Variants in CT45A1 observed in about 807,000 individuals in gnomAD.
CT45A1 encodes the protein cancer/testis antigen 45-1.
upstream of CT45A1, among the ~76,000 whole-genome samples, chrX:135,713,163 G>A (rs1381043807): frequency 5.0e-5 from 5 of 100,422 alleles, no homozygotes; most frequent in African/African-American, 7.4e-5. Flanking sequence ...TCAACTTCCC[G>A]AGTAGTTGGG....
At chrX:135,718,309 T>C (rs1342285490) in intron 1 of CT45A1, among the ~76,000 whole-genome samples, 1 of 111,115 alleles carries the variant, frequency 9.0e-6, no homozygotes, top group Non-Finnish European at 1.9e-5. Flanking sequence ...TCACCCTTAG[T>C]TTGGAATTTT....
intron 1 of CT45A1, among the ~76,000 whole-genome samples, chrX:135,716,570 A>G (rs1356227053): frequency 9.0e-6 from 1 of 111,507 alleles, no homozygotes; most frequent in Non-Finnish European, 1.9e-5. Context: ...TTTATATATA[A>G]CCTATACTAT....
chrX:135,717,215 TGA>T (rs1367804035), intron 1 of CT45A1, among the ~76,000 whole-genome samples: 1 of 111,951 alleles, frequency 8.9e-6, no homozygotes, highest in African/African-American at 3.2e-5. Flanking sequence ...AGGATCATTC[TGA>T]GAGACTTGAC....
chrX:135,714,008 C>G (rs1396193074), intron 1 of CT45A1, among the ~76,000 whole-genome samples: 3 of 107,845 alleles, frequency 2.8e-5, no homozygotes, highest in Non-Finnish European at 5.8e-5. Flanking sequence ...GGGGGCCATG[C>G]CTTGGTTGCT....
upstream of CT45A1, among the ~76,000 whole-genome samples, chrX:135,712,640 G>C (rs2087941196): frequency 9.1e-6 from 1 of 110,180 alleles, no homozygotes; most frequent in Non-Finnish European, 1.9e-5. Flanking sequence ...TGATTCTCCT[G>C]CCTCAGCCTC....
upstream of CT45A1, among the ~76,000 whole-genome samples, chrX:135,712,506 G>A (rs1451834398): frequency 6.7e-5 from 7 of 104,529 alleles, no homozygotes; most frequent in South Asian, 3.0e-3. Flanking sequence ...TTAACAGATA[G>A]AGGTTGAATT....
chrX:135,714,139 C>T (rs1603081607), intron 1 of CT45A1, among the ~76,000 whole-genome samples: 1 of 108,860 alleles, frequency 9.2e-6, no homozygotes. Flanking sequence ...GTGTCCCAGA[C>T]GCATGATCGC....
chrX:135,715,449 A>ATATATATAATACTTATATATAATACT (rs1276673091), intron 1 of CT45A1, among the ~76,000 whole-genome samples: 3 of 81,199 alleles, frequency 3.7e-5, no homozygotes, highest in East Asian at 3.5e-4. Flanking sequence ...TATAATACTT[A>ATATATATAATACTTATATATAATACT]TATATATAAT....
intron 1 of CT45A1, among the ~76,000 whole-genome samples, chrX:135,715,359 A>T (rs2087973987): frequency 1.2e-3 from 41 of 34,553 alleles, no homozygotes; most frequent in African/African-American, 2.0e-3. Flanking sequence ...CTTACATATA[A>T]TACTTATATA....
At chrX:135,716,130 G>A (rs541438667) in intron 1 of CT45A1, among the ~76,000 whole-genome samples, 6 of 111,252 alleles carry the variant, frequency 5.4e-5, no homozygotes, top group East Asian at 2.8e-4. Flanking sequence ...GAATAGTGCC[G>A]TGATAAACAT....
upstream of CT45A1, among the ~76,000 whole-genome samples, chrX:135,712,937 T>TTTC (rs1556570064): frequency 4.2e-4 from 29 of 69,550 alleles, no homozygotes; most frequent in African/African-American, 1.2e-3. Flanking sequence ...TCTTTTCTTT[T>TTTC]TTTCTTTCTT....
intron 1 of CT45A1, among the ~76,000 whole-genome samples, chrX:135,715,193 A>G (rs1976649588): frequency 1.1e-5 from 1 of 93,256 alleles, no homozygotes; most frequent in African/African-American, 3.9e-5. Flanking sequence ...ACCCAATGCC[A>G]TTACTATTAT....
chrX:135,718,458 C>G (rs1379264545), intron 1 of CT45A1, among the ~76,000 whole-genome samples: 1 of 109,787 alleles, frequency 9.1e-6, no homozygotes, highest in Non-Finnish European at 1.9e-5. Flanking sequence ...AGGGTTAATA[C>G]AGATTGGTTT....
the CT45A1 span, among the ~76,000 whole-genome samples, chrX:135,708,538 C>T: frequency 9.0e-6 from 1 of 110,739 alleles, no homozygotes; most frequent in Non-Finnish European, 1.9e-5. Flanking sequence ...ACCGTGGGTG[C>T]CTGTGTCAGC....
At chrX:135,713,719 A>G in intron 1 of CT45A1, 29 bp downstream of exon 1, 1 of 735,820 alleles carries the variant, frequency 1.4e-6, no homozygotes, top group Non-Finnish European at 1.6e-6. Context: ...TGAGTGGGGC[A>G]GTTTTTCCCT....
At chrX:135,722,904 C>T (rs2088036672) in intron 4 of CT45A1, 72 bp from the exon 5 acceptor site, 2 of 405,629 alleles carry the variant, frequency 4.9e-6, no homozygotes, top group Non-Finnish European at 6.3e-6. Context: ...ATCTTTCTAT[C>T]TGTCACAGCG....
At chrX:135,709,213 C>T (rs1272095940), upstream of CT45A1, among the ~76,000 whole-genome samples, 1 of 112,252 alleles carries the variant, frequency 8.9e-6, no homozygotes, top group Non-Finnish European at 1.9e-5. Context: ...GCAACCTCCA[C>T]CTCCCAGGTT....
intron 1 of CT45A1, among the ~76,000 whole-genome samples, chrX:135,714,285 G>A (rs1257548740): frequency 1.8e-5 from 2 of 109,181 alleles, no homozygotes; most frequent in Non-Finnish European, 3.8e-5. Context: ...CTTTTCTTTG[G>A]TTCTGCTTAT....
intron 1 of CT45A1, among the ~76,000 whole-genome samples, chrX:135,715,519 CTT>C: frequency 1.3e-5 from 1 of 74,654 alleles, no homozygotes; most frequent in Non-Finnish European, 2.4e-5. Flanking sequence ...ATATATAATA[CTT>C]ATAGGTATAT....
Sources: allele counts gnomAD v4.1 joint callset (sites outside exome capture counted in the v4.1 genomes callset), GRCh38; gene constraint gnomAD v4.1.1; transcripts MANE v1.5; gene names NCBI Gene and HGNC (gene_info 2026-07-23, HGNC 2026-07-21).